The following ROBO2 variants were observed in gnomAD, a reference collection of about 807,000 sequenced individuals.
ROBO2 encodes the protein roundabout guidance receptor 2.
A neutral mutation model predicts 160.8 loss-of-function variants in ROBO2; 53 were observed. That is an observed-to-expected ratio of 0.33 (90% CI 0.26 to 0.41). ROBO2 has a LOEUF of 0.41. Ranked by LOEUF, ROBO2 falls within the 10% of genes least tolerant of loss-of-function variation. The probability of loss-of-function intolerance (pLI) is 1.00; values close to 1 mark genes in which losing one functional copy is unlikely to be tolerated. For missense variants in ROBO2, 1,577 were observed against 1,722.4 expected (o/e 0.92, Z 1.49); for synonymous variants, 664 against 611.7 (o/e 1.09, Z -1.26).
At chr3:77,433,105 C>T (rs547877010) in intron 2 of ROBO2, among the ~76,000 whole-genome samples, 1 of 152,092 alleles carries the variant, frequency 6.6e-6, no homozygotes, top group East Asian at 1.9e-4. Flanking sequence ...TACACTGTCC[C>T]CATAACTAGT....
At chr3:77,642,477 T>C (rs1263016282) in intron 24 of ROBO2, among the ~76,000 whole-genome samples, 194 bp from the exon 26 acceptor site, 1 of 152,210 alleles carries the variant, frequency 6.6e-6, no homozygotes, top group African/African-American at 2.4e-5. Context: ...TTTGTTTCAA[T>C]GATGCTATGG....
At chr3:77,289,408 C>T (rs115988270) in intron 2 of ROBO2, among the ~76,000 whole-genome samples, 10 of 149,480 alleles carry the variant, frequency 6.7e-5, no homozygotes, top group East Asian at 6.0e-4. Context: ...GACGTTTAAA[C>T]GGGGACACTG....
chr3:76,457,508 ATCGAGTG>A (rs2077832544), intron 2 of ROBO2, among the ~76,000 whole-genome samples: 1 of 152,086 alleles, frequency 6.6e-6, no homozygotes, highest in Non-Finnish European at 1.5e-5. Flanking sequence ...ATGGACTGAC[ATCGAGTG>A]TCTGCAGCTT....
At chr3:77,463,109 C>T (rs1354334292) in intron 2 of ROBO2, among the ~76,000 whole-genome samples, 1 of 152,090 alleles carries the variant, frequency 6.6e-6, no homozygotes, top group Non-Finnish European at 1.5e-5. Flanking sequence ...ATATCTTGTA[C>T]TCCTAAAGTG....
At chr3:75,997,496 A>ATTATTTTT (rs1414362363) in intron 2 of ROBO2, among the ~76,000 whole-genome samples, 1 of 46,564 alleles carries the variant, frequency 2.1e-5, no homozygotes, top group African/African-American at 4.9e-5. Context: ...TTGTTCATCC[A>ATTATTTTT]TTCTTTTTTT....
At chr3:76,462,299 C>T (rs927718161) in intron 2 of ROBO2, among the ~76,000 whole-genome samples, 9 of 152,034 alleles carry the variant, frequency 5.9e-5, no homozygotes, top group Middle Eastern at 3.2e-3. Flanking sequence ...GAGCTCTTTC[C>T]CCTCAATTTC....
intron 2 of ROBO2, among the ~76,000 whole-genome samples, chr3:76,432,062 T>A (rs1238423393): frequency 1.3e-5 from 2 of 152,088 alleles, no homozygotes; most frequent in African/African-American, 4.8e-5. Context: ...ATCATCAAAG[T>A]TGAGTGTGTC....
chr3:76,025,992 C>T (rs1253641055), intron 2 of ROBO2, among the ~76,000 whole-genome samples: 1 of 151,824 alleles, frequency 6.6e-6, no homozygotes, highest in Admixed American at 6.6e-5. Flanking sequence ...TGTCTAAAAC[C>T]AATCTCACTG....
At chr3:77,315,906 A>G (rs1354369954) in intron 2 of ROBO2, among the ~76,000 whole-genome samples, 3 of 152,076 alleles carry the variant, frequency 2.0e-5, no homozygotes, top group African/African-American at 7.2e-5. Context: ...TGAGGTTTCA[A>G]TATTTTATTC....
intron 2 of ROBO2, among the ~76,000 whole-genome samples, chr3:76,675,010 A>G (rs1031959170): frequency 1.3e-5 from 2 of 152,210 alleles, no homozygotes; most frequent in African/African-American, 4.8e-5. Context: ...GGAGAGCGTC[A>G]TAAAATATTA....
At chr3:76,154,003 C>T (rs1161955649) in intron 2 of ROBO2, among the ~76,000 whole-genome samples, 1 of 152,074 alleles carries the variant, frequency 6.6e-6, no homozygotes, top group Admixed American at 6.6e-5. Context: ...GATTCCTCTG[C>T]TTGCCAGTTA....
At position 76,091,649 on chromosome 3, in the gene ROBO2, A is replaced by G. The variant is rs1325631612; in HGVS notation, c.109+154047A>G. On this transcript the variant is annotated intron_variant, in intron 2 of 26. Transcript: ENST00000487694. Reference sequence around the variant, plus strand: ...ATGAATGTTTATGGCAGCTTCATTCATAATTGCCAAAATTTGGAAGCAACT... The same window carrying G: ...ATGAATGTTTATGGCAGCTTCATTCGTAATTGCCAAAATTTGGAAGCAACT... Among the ~76,000 whole-genome samples the G allele has an allele frequency of 6.6e-5, 10 of 152,350 alleles. No individual in the cohort carries two copies. The South Asian group carries it at 1.9e-3, about 28-fold the overall frequency.
intron 2 of ROBO2, among the ~76,000 whole-genome samples, chr3:77,317,978 T>C (rs1250583606): frequency 6.6e-6 from 1 of 151,676 alleles, no homozygotes; most frequent in Admixed American, 6.6e-5. Context: ...AGGCTCCACA[T>C]TGCGAAGAAG....
At chr3:76,970,189 G>A (rs1450674011) in intron 2 of ROBO2, among the ~76,000 whole-genome samples, 1 of 152,110 alleles carries the variant, frequency 6.6e-6, no homozygotes, top group African/African-American at 2.4e-5. Context: ...TGAAAGACAA[G>A]CTATTTATCC....
chr3:76,450,760 T>G (rs1464542004), intron 2 of ROBO2, among the ~76,000 whole-genome samples: 1 of 152,214 alleles, frequency 6.6e-6, no homozygotes, highest in Non-Finnish European at 1.5e-5. Flanking sequence ...TAAAAAAATT[T>G]GCAAATTTCA....
intron 2 of ROBO2, among the ~76,000 whole-genome samples, chr3:77,216,653 G>A (rs181620374): frequency 1.1e-3 from 166 of 152,208 alleles, no homozygotes; most frequent in Non-Finnish European, 1.9e-3. Context: ...GAAATCACTC[G>A]TCTTCTGCGT....
At chr3:76,122,258 C>A (rs2070782212) in intron 2 of ROBO2, among the ~76,000 whole-genome samples, 1 of 151,848 alleles carries the variant, frequency 6.6e-6, no homozygotes. Flanking sequence ...TTCTCTGTGG[C>A]TATTAGGCTC....
At chr3:76,149,654 A>T (rs1208644902) in intron 2 of ROBO2, among the ~76,000 whole-genome samples, 6 of 128,784 alleles carry the variant, frequency 4.7e-5, no homozygotes, top group African/African-American at 1.6e-4. Flanking sequence ...TCTAAAGCAC[A>T]CATCATCTGT....
chr3:76,495,285 C>A (rs1470690310), intron 2 of ROBO2, among the ~76,000 whole-genome samples: 1 of 150,478 alleles, frequency 6.6e-6, no homozygotes, highest in Non-Finnish European at 1.5e-5. Flanking sequence ...TCCAACTGCC[C>A]TAGGTTATGT....
Sources: gnomAD v4.1 joint callset for allele counts (sites outside exome capture counted in the v4.1 genomes callset) on GRCh38, gnomAD v4.1.1 for gene constraint, MANE v1.5 for transcripts, NCBI Gene and HGNC (gene_info 2026-07-23, HGNC 2026-07-21) for gene names.